The following SCN8A variants were observed in gnomAD, a reference collection of about 807,000 sequenced individuals.
The protein encoded by SCN8A is sodium channel protein type 8 subunit alpha.
In SCN8A, 30 loss-of-function variants were observed where a neutral mutation model predicts 184.1. The ratio of observed to expected loss-of-function variants is 0.16; its 90% confidence interval spans 0.12 to 0.22. The LOEUF is 0.22. Among genes scored for constraint, SCN8A ranks in the 10% least tolerant of loss-of-function variants. The probability of loss-of-function intolerance (pLI) is 1.00; values close to 1 mark genes in which losing one functional copy is unlikely to be tolerated. For missense variants in SCN8A, 1,057 were observed against 2,498.9 expected (o/e 0.42, Z 12.30); for synonymous variants, 852 against 907.0 (o/e 0.94, Z 1.09).
chr12:51,721,621 C>G lies in SCN8A; in HGVS notation c.1711C>G (p.Pro571Ala), dbSNP rs1565899754. ...SKSSIFSFRG[P>A]GRFRDPGSEN... ...GAGCAGCATCTTCAGTTTCAGGGGA[C>G]CTGGGCGGTTCCGAGACCCGGGCTC... The change falls in exon 12 of 27, where the codon CCT becomes GCT. Residue 571 changes from proline to alanine, a missense_variant. Pro to Ala is a conservative substitution (Grantham distance 27). This residue lies in a region of SCN8A where 322 missense variants were observed against 390.1 expected (regional missense o/e 0.83). Coordinates refer to ENST00000627620, the MANE Select transcript of SCN8A (RefSeq NM_001330260.2). The G allele has an allele frequency of 1.9e-6, 3 of 1,613,118 alleles. No homozygotes were observed. Among genetic ancestry groups the G allele is most frequent in the Middle Eastern group, 1.6e-4 (1 of 6,062 alleles).
chr12:51,729,369 G>A (rs1217687016), intron 12 of SCN8A, among the ~76,000 whole-genome samples: 1 of 152,124 alleles, frequency 6.6e-6, no homozygotes, highest in Non-Finnish European at 1.5e-5. Flanking sequence ...AACCACTTCT[G>A]ACTCGTATCA....
intron 1 of SCN8A, among the ~76,000 whole-genome samples, chr12:51,639,018 T>C (rs1025626138): frequency 1.3e-5 from 2 of 152,170 alleles, no homozygotes; most frequent in African/African-American, 4.8e-5. Flanking sequence ...TCTCGCTTTA[T>C]CGCTCAGGCT....
intron 19 of SCN8A, among the ~76,000 whole-genome samples, chr12:51,773,162 C>T (rs925421847): frequency 6.6e-6 from 1 of 152,080 alleles, no homozygotes. Flanking sequence ...TATCCATGTG[C>T]CTCCATTTTG....
At chr12:51,656,435 A>G (rs1592359102) in intron 1 of SCN8A, among the ~76,000 whole-genome samples, 1 of 152,334 alleles carries the variant, frequency 6.6e-6, no homozygotes, top group East Asian at 1.9e-4. Flanking sequence ...CATGAAGGAA[A>G]AGACTGATAG....
chr12:51,672,154 C>T (rs1402389065), intron 2 of SCN8A, among the ~76,000 whole-genome samples: 1 of 152,142 alleles, frequency 6.6e-6, no homozygotes, highest in Non-Finnish European at 1.5e-5. Flanking sequence ...CTAATGAATC[C>T]TCACTTGACC....
chr12:51,715,812 T>C (rs1306286699), intron 11 of SCN8A, among the ~76,000 whole-genome samples: 1 of 152,174 alleles, frequency 6.6e-6, no homozygotes, highest in African/African-American at 2.4e-5. Context: ...TAGTTTAGCT[T>C]GCTGTGAGAA....
intron 13 of SCN8A, 38 bp downstream of exon 13, chr12:51,746,073 T>TA (rs1219474291): frequency 6.4e-7 from 1 of 1,551,060 alleles, no homozygotes; most frequent in Admixed American, 1.9e-5. Flanking sequence ...CGCTGAGATA[T>TA]AAATATGTAA....
intron 12 of SCN8A, among the ~76,000 whole-genome samples, chr12:51,729,000 G>A (rs1942198653): frequency 1.3e-5 from 2 of 152,116 alleles, no homozygotes; most frequent in African/African-American, 2.4e-5. Context: ...TTGAGTTTCT[G>A]CCAAAACACA....
chr12:51,626,494 A>C (rs1940080223), intron 1 of SCN8A, among the ~76,000 whole-genome samples: 1 of 152,224 alleles, frequency 6.6e-6, no homozygotes, highest in South Asian at 2.1e-4. Context: ...ACAGAAATTT[A>C]TAGATGAAGA....
chr12:51,787,421 TG>T (rs1213683422), intron 22 of SCN8A, among the ~76,000 whole-genome samples: 4 of 152,214 alleles, frequency 2.6e-5, no homozygotes, highest in African/African-American at 9.6e-5. Flanking sequence ...TTTCAGAATG[TG>T]TGACAAGACA....
At chr12:51,634,772 C>G (rs1592343413) in intron 1 of SCN8A, among the ~76,000 whole-genome samples, 1 of 151,678 alleles carries the variant, frequency 6.6e-6, no homozygotes, top group South Asian at 2.1e-4. Flanking sequence ...CCTCAGTCTC[C>G]CAAGTAGCTG....
chr12:51,767,361 G>A (rs905380889), intron 16 of SCN8A, among the ~76,000 whole-genome samples: 1 of 152,128 alleles, frequency 6.6e-6, no homozygotes, highest in Non-Finnish European at 1.5e-5. Context: ...CACTTTTCAG[G>A]TTCCCCTTTG....
At chr12:51,773,776 G>A (rs1942966089) in intron 19 of SCN8A, among the ~76,000 whole-genome samples, 1 of 152,078 alleles carries the variant, frequency 6.6e-6, no homozygotes, top group South Asian at 2.1e-4. Context: ...AACAGAATGT[G>A]GTATATCCAT....
In SCN8A at chr12:51,810,501, G is replaced by A. The variant is rs1189967288; in HGVS notation, c.*3072G>A. 10 of 433,010 alleles carry A rather than the reference G, an allele frequency of 2.3e-5. No homozygotes were observed. In the East Asian group the frequency reaches 4.0e-4, roughly 17 times the overall value. 26.8% of individuals were successfully genotyped at this position (433,010 alleles called of 1,614,324 possible). A position where few individuals can be genotyped will look rare whatever the true frequency, so the allele number is the denominator to read the frequency against. ...TTAACGAAGCCAATCAAAGAGCAGC[G>A]CAGCCACAGTATCACTGCACATATA... is the stretch of plus-strand genomic sequence containing the variant. On this transcript the variant is annotated 3_prime_UTR_variant, in exon 27 of 27. Transcript: ENST00000627620.
intron 2 of SCN8A, among the ~76,000 whole-genome samples, chr12:51,681,897 A>G (rs1941340714): frequency 6.6e-6 from 1 of 152,158 alleles, no homozygotes; most frequent in African/African-American, 2.4e-5. Context: ...GGAGGGAAGC[A>G]TAAGATTGGT....
chr12:51,748,341 C>A lies in SCN8A; in HGVS notation c.2131+2306C>A, dbSNP rs79774668. ...AGTTTAGAAACCACAGTGGAGAATT[C>A]TAGAATCCTGTCAATAATTAGAAAA... On this transcript the variant is annotated intron_variant, in intron 13 of 26. Coordinates refer to ENST00000627620, the MANE Select transcript of SCN8A (RefSeq NM_001330260.2). Among the ~76,000 whole-genome samples the A allele has an allele frequency of 3.6e-4, 55 of 152,284 alleles. 4 individuals carry two copies. In the East Asian group the frequency reaches 0.011, roughly 29 times the overall value.
intron 1 of SCN8A, among the ~76,000 whole-genome samples, chr12:51,595,747 G>A (rs1204299409): frequency 6.6e-6 from 1 of 152,130 alleles, no homozygotes; most frequent in African/African-American, 2.4e-5. Context: ...GGATTTAGCA[G>A]CTTAATGTGT....
chr12:51,744,505 GT>G (rs796918158), intron 12 of SCN8A, among the ~76,000 whole-genome samples: 14 of 148,580 alleles, frequency 9.4e-5, no homozygotes, highest in South Asian at 4.3e-4. Context: ...AGGGAAATCG[GT>G]TTTTTTTTTC....
At chr12:51,692,896 C>T (rs980682549) in intron 6 of SCN8A, among the ~76,000 whole-genome samples, 1 of 152,196 alleles carries the variant, frequency 6.6e-6, no homozygotes, top group Non-Finnish European at 1.5e-5. Flanking sequence ...AGTTTCTTTT[C>T]ATTTCTGTCA....
Sources: gnomAD v4.1 joint callset for allele counts (sites outside exome capture counted in the v4.1 genomes callset) on GRCh38, gnomAD v4.1.1 for gene constraint, gnomAD v4.1.1 regional missense constraint, MANE v1.5 for transcripts, NCBI Gene and HGNC (gene_info 2026-07-23, HGNC 2026-07-21) for gene names.